Variants in DOCK2 observed in about 807,000 individuals in gnomAD.
DOCK2 encodes the protein dedicator of cytokinesis 2, also known as dedicator of cytokinesis protein 2.
DOCK2 carries 87 observed loss-of-function variants against 248.9 expected under a neutral mutation model. The observed-to-expected ratio is 0.35, with a 90% CI of 0.29 to 0.42. The LOEUF (loss-of-function observed/expected upper bound fraction) is 0.42, where lower values mean the gene tolerates loss of function less well. DOCK2 is among the 10% of genes least tolerant of loss of function. The probability of loss-of-function intolerance (pLI) is 1.00; values close to 1 mark genes in which losing one functional copy is unlikely to be tolerated. For missense variants in DOCK2, 1,747 were observed against 2,300.2 expected (o/e 0.76, Z 4.92); for synonymous variants, 805 against 821.6 (o/e 0.98, Z 0.35).
At chr5:169,984,356 A>G (rs968494454) in intron 28 of DOCK2, among the ~76,000 whole-genome samples, 6 of 152,200 alleles carry the variant, frequency 3.9e-5, no homozygotes, top group African/African-American at 1.4e-4. Context: ...TGAATAATAT[A>G]ACAATACTCA....
At chr5:169,806,383 A>G (rs2113152521) in intron 26 of DOCK2, among the ~76,000 whole-genome samples, 1 of 152,190 alleles carries the variant, frequency 6.6e-6, no homozygotes, top group Admixed American at 6.5e-5. Context: ...CCCTGGCCTC[A>G]AGTGATCCTC....
At chr5:169,699,290 A>G in intron 11 of DOCK2, 92 bp from the exon 12 acceptor site, 1 of 1,234,634 alleles carries the variant, frequency 8.1e-7, no homozygotes, top group South Asian at 1.4e-5. Flanking sequence ...TTTTCACCTG[A>G]GGCGTGTGGA....
At chr5:169,875,228 A>G (rs1299980770) in intron 27 of DOCK2, 1 of 456,620 alleles carries the variant, frequency 2.2e-6, no homozygotes, top group Non-Finnish European at 4.4e-6. Flanking sequence ...ATTCCCAGGG[A>G]GCTTGCTGCA....
At chr5:169,911,629 A>G (rs1253919551) in intron 27 of DOCK2, among the ~76,000 whole-genome samples, 1 of 152,210 alleles carries the variant, frequency 6.6e-6, no homozygotes, top group Non-Finnish European at 1.5e-5. Context: ...CAATACTCAT[A>G]TTCAATTCTT....
At chr5:169,875,255 C>G in intron 27 of DOCK2, 1 of 456,728 alleles carries the variant, frequency 2.2e-6, no homozygotes, top group Non-Finnish European at 4.4e-6. Flanking sequence ...GATTCCCATC[C>G]TCCACCCCAC....
chr5:170,005,313 A>C (rs1274737535), intron 30 of DOCK2, among the ~76,000 whole-genome samples: 1 of 152,204 alleles, frequency 6.6e-6, no homozygotes, highest in Non-Finnish European at 1.5e-5. Context: ...ACAATATAGC[A>C]ATTGATAAAC....
At chr5:169,849,223 G>A (rs1446090236) in intron 27 of DOCK2, among the ~76,000 whole-genome samples, 1 of 152,164 alleles carries the variant, frequency 6.6e-6, no homozygotes, top group Admixed American at 6.5e-5. Context: ...TAGGCAAATA[G>A]CTAAGCACCT....
chr5:170,019,506 G>A (rs926599400), intron 33 of DOCK2, among the ~76,000 whole-genome samples: 7 of 152,034 alleles, frequency 4.6e-5, no homozygotes, highest in South Asian at 2.1e-4. Flanking sequence ...AGAAAACGCC[G>A]GCCCTGCTGG....
intron 44 of DOCK2, among the ~76,000 whole-genome samples, chr5:170,067,131 G>A (rs142291084): frequency 3.3e-5 from 5 of 152,254 alleles, no homozygotes; most frequent in Non-Finnish European, 5.9e-5. Context: ...TGCCCACATC[G>A]CAAGCTGCTC....
intron 20 of DOCK2, 81 bp downstream of exon 20, chr5:169,716,383 C>T: frequency 7.7e-7 from 1 of 1,295,002 alleles, no homozygotes; most frequent in Non-Finnish European, 1.1e-6. Context: ...ACTCATGGCC[C>T]TCATGGCCCT....
chr5:170,054,804 T>G (rs932691624), intron 41 of DOCK2, among the ~76,000 whole-genome samples: 8 of 152,046 alleles, frequency 5.3e-5, no homozygotes, highest in Admixed American at 4.6e-4. Flanking sequence ...GAGTCCAGAG[T>G]GAAAGAATTC....
chr5:169,882,903 T>C (rs1381306444), intron 27 of DOCK2: 4 of 1,551,860 alleles, frequency 2.6e-6, no homozygotes, highest in Non-Finnish European at 3.5e-6. Flanking sequence ...GATTGTTACT[T>C]GATGAAGGAC....
intron 27 of DOCK2, among the ~76,000 whole-genome samples, chr5:169,844,833 G>C (rs1251495428): frequency 2.0e-5 from 3 of 151,740 alleles, no homozygotes; most frequent in Non-Finnish European, 1.5e-5. Context: ...GAAATAAATG[G>C]AGTAATAATA....
chr5:169,696,158 G>C (rs28380064), intron 10 of DOCK2, among the ~76,000 whole-genome samples: 1 of 152,162 alleles, frequency 6.6e-6, no homozygotes, highest in South Asian at 2.1e-4. Flanking sequence ...GGCTCCTCTT[G>C]TCTGGAGTAG....
At chr5:169,663,401 C>A (rs1384082198) in intron 2 of DOCK2, among the ~76,000 whole-genome samples, 3 of 152,250 alleles carry the variant, frequency 2.0e-5, no homozygotes, top group Non-Finnish European at 2.9e-5. Context: ...CCTCTTCTCA[C>A]AGCTCCACTA....
intron 33 of DOCK2, among the ~76,000 whole-genome samples, chr5:170,025,073 T>G (rs1024958531): frequency 6.6e-6 from 1 of 152,228 alleles, no homozygotes; most frequent in Non-Finnish European, 1.5e-5. Context: ...CTAGTAACAT[T>G]CGGCAGTAAT....
intron 44 of DOCK2, among the ~76,000 whole-genome samples, chr5:170,063,288 A>G (rs971426826): frequency 2.6e-5 from 4 of 152,126 alleles, no homozygotes; most frequent in Admixed American, 6.5e-5. Context: ...TTTTAGATCT[A>G]TTTCTAAAAG....
At chr5:169,929,313 C>T (rs1002255943) in intron 27 of DOCK2, among the ~76,000 whole-genome samples, 78 of 152,208 alleles carry the variant, frequency 5.1e-4, no homozygotes, top group African/African-American at 1.8e-3. Context: ...CCAACAAGTT[C>T]ATCTCACATG....
chr5:170,079,198 A>G (rs1757941594), intron 49 of DOCK2, 52 bp downstream of exon 49: 2 of 1,577,908 alleles, frequency 1.3e-6, no homozygotes, highest in Non-Finnish European at 1.7e-6. Flanking sequence ...CATTTCCACT[A>G]CATGCTGGGC....
Sources: allele counts gnomAD v4.1 joint callset (sites outside exome capture counted in the v4.1 genomes callset), GRCh38; gene constraint gnomAD v4.1.1; transcripts MANE v1.5; gene names NCBI Gene and HGNC (gene_info 2026-07-23, HGNC 2026-07-21).